Variants in CIC observed in about 807,000 individuals in gnomAD.
CIC encodes protein capicua homolog.
In CIC, 18 loss-of-function variants were observed where a neutral mutation model predicts 115.7. The observed-to-expected ratio is 0.16, with a 90% CI of 0.11 to 0.23. The LOEUF (loss-of-function observed/expected upper bound fraction) is 0.23. CIC is among the 10% of genes least tolerant of loss of function. The probability of loss-of-function intolerance (pLI) is 1.00; values close to 1 mark genes in which losing one functional copy is unlikely to be tolerated. For missense variants in CIC, 2,000 were observed against 2,159.3 expected, an observed-to-expected ratio of 0.93 and a Z score of 1.46; for synonymous variants, 1,076 against 923.0, an observed-to-expected ratio of 1.17 and a Z score of -3.01.
chr19:42,294,481 C>G, intron 19 of CIC, 123 bp from the exon 20 acceptor site: 1 of 1,555,622 alleles, frequency 6.4e-7, no homozygotes, highest in Non-Finnish European at 8.7e-7. Context: ...TGACTGTGGG[C>G]AGGACCCCTC....
rs2037934578 is a variant in CIC, at chr19:42,289,741, C to T, written c.4088-107C>T. 16 of 1,006,608 alleles carry T rather than the reference C, an allele frequency of 1.6e-5. 1 individual carries two copies. In the South Asian group the frequency reaches 2.2e-4, roughly 14 times the overall value. The allele number at this position is 1,006,608 out of a possible 1,614,324, so 62.4% of individuals were successfully genotyped here. On this transcript the variant is annotated intron_variant, in intron 9 of 20. Coordinates refer to ENST00000681038, the MANE Select transcript of CIC (RefSeq NM_001386298.1). ...GCTGAGGAGTAGCCTTCCTGGACAG[C>T]ACTCCCTGCCGGTTTGGAGCAGAGC...
In CIC at chr19:42,280,380, C is replaced by A. The variant is rs954914727; in HGVS notation, c.2794+5803C>A. On this transcript the variant is annotated intron_variant, in intron 2 of 20. Transcript: ENST00000681038. The surrounding 1 kb of genome is among the most constrained non-coding windows in gnomAD (Gnocchi z 4.9). ...GCTCCGGGGGCTGTGTAGAAGCGGA[C>A]TGGCACCCAGCGAGGGCCGCGCCCA... Among the ~76,000 whole-genome samples the A allele has an allele frequency of 6.6e-6, 1 of 152,102 alleles. No individual in the cohort carries two copies. Among genetic ancestry groups the A allele is most frequent in the African/African-American group, 2.4e-5 (1 of 41,438 alleles).
At chr19:42,284,725 C>T (rs1359263545) in intron 2 of CIC, 6 of 1,555,692 alleles carry the variant, frequency 3.9e-6, no homozygotes, top group Admixed American at 1.9e-5. Context: ...CCCACAGGCC[C>T]CTGATGCCCG....
rs528890777 is a variant in CIC, at chr19:42,290,687, A to G, written c.4646A>G (p.Gln1549Arg). ...TLVLPPNKEE[Q>R]EGGGARVPSA... The stretch of plus-strand genomic sequence containing the variant: ...GTGCTGCCCCCAAACAAGGAGGAGC[A>G]AGAGGGCGGCGGAGCCAGAGTGCCC... Residue 1549 changes from glutamine to arginine, a missense_variant, in exon 11 of 21, where the codon CAA becomes CGA. Physicochemically the swap from Gln to Arg is conservative, Grantham distance 43 (BLOSUM62 1). Coordinates refer to ENST00000681038, the MANE Select transcript of CIC (RefSeq NM_001386298.1). 6 of 1,613,118 alleles carry G rather than the reference A, an allele frequency of 3.7e-6. 1 individual carries two copies. The Admixed American group carries it at 1.0e-4, about 27-fold the overall frequency.
rs1276734164 is a variant in CIC at position 42,295,003 on chromosome 19, C to T, written c.7366C>T (p.Pro2456Ser). The T allele has an allele frequency of 5.6e-6, 9 of 1,595,568 alleles. No homozygotes were observed. The highest frequency in any genetic ancestry group is 7.6e-6 in the Non-Finnish European group (9 of 1,177,472). Residue 2456 changes from proline (P) to serine (S), a missense_variant, in exon 21 of 21, where the codon CCT (proline) becomes TCT (serine). This residue lies in a region of CIC where 133 missense variants were observed against 116.0 expected (regional missense o/e 1.15). Coordinates refer to ENST00000681038, the MANE Select transcript of CIC (RefSeq NM_001386298.1). ...GCCCCCCACTGGCACCGCTGCTGCC[C>T]CTGCCCCCACTCCCAGCCCCGCAGG... ...VPPPTGTAAAPAPTPSPAGGP... is the reference protein window; with the variant it reads ...VPPPTGTAAASAPTPSPAGGP...
Position 42,295,757 on chromosome 19 carries a change from C to T in CIC, c.*566C>T, listed in dbSNP as rs374813390. The T allele has an allele frequency of 2.8e-5, 6 of 216,244 alleles. No individual in the cohort carries two copies. The highest frequency in any genetic ancestry group is 6.8e-5 in the East Asian group (1 of 14,644). The allele number at this position is 216,244 out of a possible 1,614,324, so 13.4% of individuals were successfully genotyped here. A position where few individuals can be genotyped will look rare whatever the true frequency, so the allele number is the denominator to read the frequency against. On this transcript the variant is annotated 3_prime_UTR_variant, in exon 21 of 21. Coordinates refer to ENST00000681038, the MANE Select transcript of CIC (RefSeq NM_001386298.1). ...TCATGTGCAATATTTCTTACTGTGC[C>T]GAGAAGCCGCAATGAGCGAGATTAA...
rs745757714 is a variant in CIC at position 42,287,093 on chromosome 19, G to A, written c.3032G>A (p.Cys1011Tyr). ...ADPERPPGAT[C>Y]PESPGPGPPH... is the part of the protein sequence containing the mutation. The stretch of plus-strand genomic sequence containing the variant: ...CCTGAGCGGCCCCCTGGAGCCACAT[G>A]CCCTGAGAGCCCAGGACCCGGACCC... The change falls in exon 4 of 21, where the codon TGC becomes TAC. Residue 1011 changes from cysteine (C) to tyrosine (Y), a missense_variant. By Grantham distance (194) the Cys-to-Tyr change is radical. Transcript: ENST00000681038. The surrounding 1 kb of genome is among the most constrained non-coding windows in gnomAD (Gnocchi z 8.7). 5.6e-6 allele frequency: 9 copies of A among 1,613,286 alleles called. No individual in the cohort carries two copies. Among genetic ancestry groups the A allele is most frequent in the Admixed American group, 5.0e-5 (3 of 60,000 alleles).
At chr19:42,289,506 C>G (rs373956823) in intron 9 of CIC, 100 bp downstream of exon 9, 3 of 1,328,848 alleles carry the variant, frequency 2.3e-6, no homozygotes, top group African/African-American at 1.5e-5. Flanking sequence ...CCTTTGTTTT[C>G]TTTTCCACTT....
chr19:42,289,793 C>T lies in CIC; in HGVS notation c.4088-55C>T, dbSNP rs10425883. On this transcript the variant is annotated intron_variant, in intron 9 of 20. Coordinates refer to ENST00000681038, the MANE Select transcript of CIC (RefSeq NM_001386298.1). ...GAGATCCAGGCTCCAGACTGTTTCT[C>T]CTGGGTCCCCCTGCATCTAGCCCCC... The T allele has an allele frequency of 1.3e-3, 1,858 of 1,416,724 alleles. 21 individuals carry two copies. The African/African-American group carries it at 0.024, about 18-fold the overall frequency. 87.8% of individuals were successfully genotyped at this position (1,416,724 alleles called of 1,614,324 possible).
Position 42,294,639 on chromosome 19 carries a change from T to C in CIC, c.7090T>C (p.Tyr2364His). Reference protein sequence around the residue: ...EAEDVLGELEYDKVPYSSLRR... With the variant: ...EAEDVLGELEHDKVPYSSLRR... ...CGAGGACGTGCTTGGGGAGCTAGAG[T>C]ATGACAAGGTGCCATACTCCTCCCT... Residue 2364 changes from tyrosine (Y) to histidine (H), a missense_variant, in exon 20 of 21, where the codon TAT becomes CAT. Tyr to His is a moderately conservative substitution (Grantham distance 83). This residue lies in a region of CIC where 99 missense variants were observed against 217.6 expected (regional missense o/e 0.45). Transcript: ENST00000681038. 6.2e-7 allele frequency: 1 copy of C among 1,613,398 alleles called. No individual in the cohort carries two copies. Among genetic ancestry groups the C allele is most frequent in the Non-Finnish European group, 8.5e-7 (1 of 1,179,926 alleles).
rs1378599486 is a variant in CIC at position 42,290,124 on chromosome 19, G to A, written c.4192-109G>A. 6 of 1,530,434 alleles carry A rather than the reference G, an allele frequency of 3.9e-6. No individual in the cohort carries two copies. In the South Asian group the frequency reaches 4.5e-5, roughly 11 times the overall value. The allele number at this position is 1,530,434 out of a possible 1,614,324, so 94.8% of individuals were successfully genotyped here. On this transcript the variant is annotated intron_variant, in intron 10 of 20. Transcript: ENST00000681038. ...GAATTGAGGCCTTCAGCTGGCAGGG[G>A]TGCAGCCCTAGGCTGGCCTGGCTGA... is the stretch of plus-strand genomic sequence containing the variant.
At chr19:42,288,038 C>G (rs1243001818) in intron 7 of CIC, 63 bp downstream of exon 7, 1 of 1,536,078 alleles carries the variant, frequency 6.5e-7, no homozygotes, top group African/African-American at 1.4e-5. Context: ...CCAGCTACCC[C>G]CTTGCTTGCT....
At position 42,284,799 on chromosome 19, in the gene CIC, C is replaced by G. The variant is rs957985729; in HGVS notation, c.2795-1972C>G. The stretch of plus-strand genomic sequence containing the variant: ...CAGTAGCGCCTGGGCCCTGGGACTG[C>G]AGGGGTCAAGGTGTCGGGGTGCTAA... On this transcript the variant is annotated intron_variant, in intron 2 of 20. Coordinates refer to ENST00000681038, the MANE Select transcript of CIC (RefSeq NM_001386298.1). 3.3e-6 allele frequency: 5 copies of G among 1,537,942 alleles called. No individual in the cohort carries two copies. The African/African-American group carries it at 6.8e-5, about 21-fold the overall frequency.
chr19:42,289,251 C>T lies in CIC; in HGVS notation c.3932C>T (p.Ala1311Val), dbSNP rs2147232988. ...STQYGAPGPF[A>V]APGEGGALAA... ...CAGTATGGAGCTCCAGGACCCTTTG[C>T]AGCCCCTGGTGAGGGAGGTGCCTTG... Residue 1311 changes from alanine to valine, a missense_variant, in exon 9 of 21, where the codon GCA becomes GTA. This residue lies in a region of CIC where 1,466 missense variants were observed against 1,390.4 expected (regional missense o/e 1.05). Coordinates refer to ENST00000681038, the MANE Select transcript of CIC (RefSeq NM_001386298.1). 6.2e-7 allele frequency: 1 copy of T among 1,613,640 alleles called. No homozygotes were observed. The highest frequency in any genetic ancestry group is 1.1e-5 in the South Asian group (1 of 91,084).
Position 42,292,618 on chromosome 19 carries a change from C to T in CIC, c.5955C>T (p.Pro1985=), listed in dbSNP as rs1326085344. The T allele has an allele frequency of 4.3e-6, 7 of 1,613,368 alleles. No individual in the cohort carries two copies. The highest frequency in any genetic ancestry group is 3.3e-5 in the South Asian group (3 of 91,086). ...APGQVGVSPV[P]SPQLPPACAA... Reference sequence around the variant, plus strand: ...GTCAGGTGGGCGTGTCACCTGTGCCCAGTCCCCAGCTGCCGCCTGCCTGTG... The same window carrying T: ...GTCAGGTGGGCGTGTCACCTGTGCCTAGTCCCCAGCTGCCGCCTGCCTGTG... The change falls in exon 15 of 21, where the codon CCC becomes CCT. Residue 1985 remains proline, a synonymous_variant. Transcript: ENST00000681038.
In CIC at chr19:42,287,773, T is replaced by G; in HGVS notation, c.3493-37T>G. On this transcript the variant is annotated intron_variant, in intron 6 of 20. Coordinates refer to ENST00000681038, the MANE Select transcript of CIC (RefSeq NM_001386298.1). The surrounding 1 kb of genome is among the most constrained non-coding windows in gnomAD (Gnocchi z 8.7). ...CTCCTCCCAGCTTCTTCTGGTGGGG[T>G]GGGTGAGTGAAGGGTTGCCCTGCCC... The G allele has an allele frequency of 6.2e-7, 1 of 1,613,714 alleles. No homozygotes were observed. Among genetic ancestry groups the G allele is most frequent in the Middle Eastern group, 1.6e-4 (1 of 6,062 alleles).
chr19:42,284,877 A>T lies in CIC; in HGVS notation c.2795-1894A>T, dbSNP rs2037514309. On this transcript the variant is annotated intron_variant, in intron 2 of 20. Coordinates refer to ENST00000681038, the MANE Select transcript of CIC (RefSeq NM_001386298.1). ...GTAGGGGAGAGAACAGTAGAGGCAG[A>T]GTAAAGGGATGACGGGGAAAGTTAC... is the stretch of plus-strand genomic sequence containing the variant. The T allele has an allele frequency of 5.9e-6, 6 of 1,016,226 alleles. No individual in the cohort carries two copies. The South Asian group carries it at 6.9e-5, about 12-fold the overall frequency. 63.0% of individuals were successfully genotyped at this position (1,016,226 alleles called of 1,614,324 possible).
At chr19:42,271,049 A>G (rs2036767665) in intron 1 of CIC, among the ~76,000 whole-genome samples, 1 of 128,046 alleles carries the variant, frequency 7.8e-6, no homozygotes, top group Admixed American at 8.8e-5. Context: ...GTGCCTGGCC[A>G]TGCCAGGCTG....
intron 13 of CIC, 29 bp downstream of exon 13, chr19:42,292,236 G>A (rs776527755): frequency 2.5e-6 from 4 of 1,613,870 alleles, no homozygotes; most frequent in East Asian, 2.2e-5. Flanking sequence ...ATACTCAGAG[G>A]CCAGGGAAGG....
Sources: allele counts gnomAD v4.1 joint callset (sites outside exome capture counted in the v4.1 genomes callset), GRCh38; gene constraint gnomAD v4.1.1; regional missense constraint gnomAD v4.1.1; non-coding constraint Gnocchi (gnomAD v3.1); transcripts MANE v1.5; gene names NCBI Gene and HGNC (gene_info 2026-07-23, HGNC 2026-07-21).